RNF157: variants seen among roughly 807,000 people sequenced by gnomAD.
RNF157 encodes the protein E3 ubiquitin ligase RNF157.
A neutral mutation model predicts 88.3 loss-of-function variants in RNF157; 55 were observed. The ratio of observed to expected loss-of-function variants is 0.62; its 90% CI spans 0.50 to 0.78. The LOEUF is 0.78. Ranked by LOEUF, RNF157 falls within the 30% of genes least tolerant of loss-of-function variation. The probability of loss-of-function intolerance (pLI) is 0.00; values close to 1 mark genes in which losing one functional copy is unlikely to be tolerated. For missense variants in RNF157, 788 were observed against 860.8 expected (o/e 0.92, Z 1.06); for synonymous variants, 334 against 341.2 (o/e 0.98, Z 0.23).
intron 11 of RNF157, 52 bp from the exon 12 acceptor site, chr17:76,159,625 T>C: frequency 5.3e-6 from 7 of 1,317,002 alleles, no homozygotes; most frequent in Non-Finnish European, 7.6e-6. Flanking sequence ...TTTTGTTTTA[T>C]GACGTGATCA....
At chr17:76,174,125 C>T (rs984554700) in intron 2 of RNF157, among the ~76,000 whole-genome samples, 6 of 151,986 alleles carry the variant, frequency 3.9e-5, no homozygotes, top group African/African-American at 1.4e-4. Context: ...ACACTGTGGC[C>T]GAGTTAATCA....
chr17:76,159,661 T>C, intron 11 of RNF157, 88 bp from the exon 12 acceptor site: 1 of 961,016 alleles, frequency 1.0e-6, no homozygotes, highest in South Asian at 1.5e-5. Context: ...CTGAAAAAAA[T>C]GTTTTATATC....
At chr17:76,224,754 A>G (rs910394930) in intron 1 of RNF157, among the ~76,000 whole-genome samples, 1 of 152,028 alleles carries the variant, frequency 6.6e-6, no homozygotes, top group African/African-American at 2.4e-5. Flanking sequence ...AAAAAAACTC[A>G]TAATGTTTTA....
chr17:76,147,716 C>T (rs188833212), intron 18 of RNF157: 1 of 152,342 alleles, frequency 6.6e-6, no homozygotes, highest in East Asian at 1.9e-4. Flanking sequence ...CTCATTCTCA[C>T]AGTAAGCCTG....
chr17:76,236,779 C>G (rs1205115376), intron 1 of RNF157, among the ~76,000 whole-genome samples: 1 of 152,122 alleles, frequency 6.6e-6, no homozygotes, highest in Admixed American at 6.5e-5. Flanking sequence ...CAGAGGAATA[C>G]TATATAGTTG....
chr17:76,205,914 C>T lies in RNF157; in HGVS notation c.207+6450G>A, dbSNP rs1001835141. Among the ~76,000 whole-genome samples, 4 of 146,702 alleles carry T rather than the reference C, an allele frequency of 2.7e-5. No individual in the cohort carries two copies. In the South Asian group the frequency reaches 6.2e-4, roughly 23 times the overall value. On this transcript the variant is annotated intron_variant, in intron 2 of 18. Transcript: ENST00000269391. ...TACTTTCCTTATAAAATGAGAGGAGCGGTTTGAACTCCTGCCTACAAAAGG... is the reference window on the plus strand; with the variant it reads ...TACTTTCCTTATAAAATGAGAGGAGTGGTTTGAACTCCTGCCTACAAAAGG...
At chr17:76,222,045 G>A (rs1263177079) in intron 1 of RNF157, among the ~76,000 whole-genome samples, 3 of 152,180 alleles carry the variant, frequency 2.0e-5, no homozygotes, top group Admixed American at 1.3e-4. Context: ...TGCTTAATTG[G>A]TTTTATTTTG....
At chr17:76,151,524 C>T (rs1214888419) in intron 18 of RNF157, among the ~76,000 whole-genome samples, 39 of 152,150 alleles carry the variant, frequency 2.6e-4, no homozygotes, top group Admixed American at 2.3e-3. Context: ...TCAAACAACA[C>T]GATGTGAAGG....
At chr17:76,223,842 T>C (rs2070030931) in intron 1 of RNF157, among the ~76,000 whole-genome samples, 2 of 152,198 alleles carry the variant, frequency 1.3e-5, no homozygotes, top group South Asian at 4.1e-4. Flanking sequence ...TGAACCTCAG[T>C]AAAAAATGTT....
intron 1 of RNF157, chr17:76,225,974 A>C: frequency 6.2e-7 from 1 of 1,610,714 alleles, no homozygotes; most frequent in Non-Finnish European, 8.5e-7. Context: ...CTTCTTATCC[A>C]GTTTCTCACC....
chr17:76,151,150 G>T (rs1301114744), intron 18 of RNF157, among the ~76,000 whole-genome samples: 1 of 152,226 alleles, frequency 6.6e-6, no homozygotes, highest in African/African-American at 2.4e-5. Flanking sequence ...GGCAGGAAGG[G>T]GGTCTTCCCT....
At chr17:76,172,763 A>G (rs1161403005) in intron 3 of RNF157, among the ~76,000 whole-genome samples, 2 of 151,894 alleles carry the variant, frequency 1.3e-5, no homozygotes, top group African/African-American at 4.8e-5. Flanking sequence ...AAAATCTGGG[A>G]CCTTGATTTG....
At position 76,146,351 on chromosome 17, in the gene RNF157, T is replaced by TC. The variant is rs779768168; in HGVS notation, c.1922-999dup. ...ATGCGAGCGTTGGTGAGTATCTGAC[T>TC]CCTAGAATAGCCTGTGCTCAGGCTC... On this transcript the variant is annotated intron_variant, in intron 18 of 18. Transcript: ENST00000269391. The surrounding 1 kb of genome is among the most constrained non-coding windows in gnomAD (Gnocchi z 4.2). 1.9e-5 allele frequency: 19 copies of TC among 985,468 alleles called. No homozygotes were observed. Among genetic ancestry groups the TC allele is most frequent in the Non-Finnish European group, 2.3e-5 (19 of 829,972 alleles). The allele number at this position is 985,468 out of a possible 1,614,324, so 61.0% of individuals were successfully genotyped here. A position where few individuals can be genotyped will look rare whatever the true frequency, so the allele number is the denominator to read the frequency against.
At chr17:76,227,888 T>TA (rs961110498) in intron 1 of RNF157, among the ~76,000 whole-genome samples, 1 of 151,832 alleles carries the variant, frequency 6.6e-6, no homozygotes, top group Non-Finnish European at 1.5e-5. Context: ...AAAAAAAATT[T>TA]AAAAAAAGAG....
chr17:76,214,852 G>A (rs181698812), intron 1 of RNF157, among the ~76,000 whole-genome samples: 14 of 152,282 alleles, frequency 9.2e-5, no homozygotes, highest in Admixed American at 7.2e-4. Context: ...AGGATATGAT[G>A]GAACTGAGAA....
intron 1 of RNF157, among the ~76,000 whole-genome samples, chr17:76,228,720 C>T (rs921020770): frequency 2.6e-5 from 4 of 151,808 alleles, no homozygotes; most frequent in Non-Finnish European, 5.9e-5. Flanking sequence ...GTCAGGAGTT[C>T]GAGACCAGCC....
rs2068752071 is a variant in RNF157, at chr17:76,155,668, G to C, written c.1592C>G (p.Thr531Ser). 5 of 1,613,514 alleles carry C rather than the reference G, an allele frequency of 3.1e-6. No individual in the cohort carries two copies. Among genetic ancestry groups the C allele is most frequent in the African/African-American group, 1.3e-5 (1 of 75,048 alleles). Residue 531 changes from threonine (T) to serine (S), a missense_variant, in exon 15 of 19, where the codon ACC becomes AGC. Thr to Ser is a moderately conservative substitution (Grantham distance 58). Transcript: ENST00000269391. ...SMASSQISTD[T>S]VSSMSGSYIA... Reference sequence around the variant, plus strand: ...GTAGGAGCCAGACATGGAGGAGACGGTGTCAGTGCTGATCTGGGAGGATGC... The same window carrying C: ...GTAGGAGCCAGACATGGAGGAGACGCTGTCAGTGCTGATCTGGGAGGATGC...
chr17:76,239,458 G>C (rs1161990140), intron 1 of RNF157, among the ~76,000 whole-genome samples: 1 of 152,194 alleles, frequency 6.6e-6, no homozygotes, highest in Admixed American at 6.5e-5. Context: ...ACCCAGGCTT[G>C]CCACTACGCT....
rs116531785 is a variant in RNF157, at chr17:76,181,646, A to C, written c.208-7856T>G. 6.7e-3 allele frequency among the ~76,000 whole-genome samples: 1,015 copies of C among 152,232 alleles called. 9 individuals are homozygous for C. The highest frequency in any genetic ancestry group is 0.023 in the African/African-American group (952 of 41,530). On this transcript the variant is annotated intron_variant, in intron 2 of 18. Transcript: ENST00000269391. Reference sequence around the variant, plus strand: ...AAAAAATGGTCGGGTGCGGTGGCTCACATCTAATCCCAGCACTTTGGGAAG... The same window carrying C: ...AAAAAATGGTCGGGTGCGGTGGCTCCCATCTAATCCCAGCACTTTGGGAAG...
Sources: allele counts gnomAD v4.1 joint callset (sites outside exome capture counted in the v4.1 genomes callset), GRCh38; gene constraint gnomAD v4.1.1; non-coding constraint Gnocchi (gnomAD v3.1); transcripts MANE v1.5; gene names NCBI Gene and HGNC (gene_info 2026-07-23, HGNC 2026-07-21).